The following PLCB1 variants were observed in gnomAD, a reference collection of about 807,000 sequenced individuals.
PLCB1 encodes phospholipase C beta 1.
In PLCB1, 46 loss-of-function variants were observed where a neutral mutation model predicts 161.8. The ratio of observed to expected loss-of-function variants is 0.28; its 90% CI spans 0.22 to 0.36. PLCB1 has a LOEUF of 0.36. Ranked by LOEUF, PLCB1 falls within the 10% of genes least tolerant of loss-of-function variation. The pLI is 1.00. For synonymous variants in PLCB1, 517 were observed against 503.7 expected (o/e 1.03, Z -0.35); for missense variants, 1,016 against 1,472.5 (o/e 0.69, Z 5.07).
At chr20:8,384,880 A>G (rs1277157047) in intron 3 of PLCB1, among the ~76,000 whole-genome samples, 20 of 152,120 alleles carry the variant, frequency 1.3e-4, no homozygotes, top group Admixed American at 1.3e-3. Flanking sequence ...AGGCTGTAGG[A>G]CAGCAAAGAT....
intron 2 of PLCB1, among the ~76,000 whole-genome samples, chr20:8,269,476 G>A (rs1286508736): frequency 6.6e-6 from 1 of 152,140 alleles, no homozygotes; most frequent in African/African-American, 2.4e-5. Context: ...GGAGTTTCAA[G>A]GGCTACAGAT....
rs542100373 is a variant in PLCB1 at position 8,884,558 on chromosome 20, C to G, written c.*2709C>G. 6.6e-6 allele frequency: 1 copy of G among 152,474 alleles called. No homozygotes were observed. Among genetic ancestry groups the G allele is most frequent in the Non-Finnish European group, 1.5e-5 (1 of 68,022 alleles). The allele number at this position is 152,474 out of a possible 1,614,324, so 9.4% of individuals were successfully genotyped here. A position where few individuals can be genotyped will look rare whatever the true frequency, so the allele number is the denominator to read the frequency against. ...GAGTATCACCATACATTAATTAATACTCCTGTAGTAGATAAGCTGTCATTA... is the reference window on the plus strand; with the variant it reads ...GAGTATCACCATACATTAATTAATAGTCCTGTAGTAGATAAGCTGTCATTA... On this transcript the variant is annotated 3_prime_UTR_variant, in exon 32 of 32. Transcript: ENST00000338037.
chr20:8,849,177 G>T (rs2146299459), intron 31 of PLCB1, among the ~76,000 whole-genome samples: 1 of 152,252 alleles, frequency 6.6e-6, no homozygotes, highest in Middle Eastern at 3.4e-3. Flanking sequence ...ACTCAAGTGG[G>T]CACTGCTTCC....
At chr20:8,504,218 C>T (rs1016322709) in intron 3 of PLCB1, among the ~76,000 whole-genome samples, 1 of 152,076 alleles carries the variant, frequency 6.6e-6, no homozygotes, top group Non-Finnish European at 1.5e-5. Flanking sequence ...GAGCCTGCAC[C>T]GTTTCTAATG....
chr20:8,186,457 A>G (rs1164924433), intron 2 of PLCB1, among the ~76,000 whole-genome samples: 1 of 152,204 alleles, frequency 6.6e-6, no homozygotes, highest in Non-Finnish European at 1.5e-5. Context: ...CTAATGGAGA[A>G]GTAGGCTGTT....
chr20:8,279,838 A>G (rs1359872192), intron 2 of PLCB1, among the ~76,000 whole-genome samples: 1 of 152,190 alleles, frequency 6.6e-6, no homozygotes, highest in Non-Finnish European at 1.5e-5. Flanking sequence ...TCGGGATGCA[A>G]CTATCAGGAT....
Position 8,403,157 on chromosome 20 carries a change from T to C in PLCB1, c.246+31707T>C, listed in dbSNP as rs574923223. Among the ~76,000 whole-genome samples, 7 of 152,190 alleles carry C rather than the reference T, an allele frequency of 4.6e-5. No individual in the cohort carries two copies. In the South Asian group the frequency reaches 1.5e-3, roughly 32 times the overall value. On this transcript the variant is annotated intron_variant, in intron 3 of 31. Transcript: ENST00000338037. Reference sequence around the variant, plus strand: ...AATCACTGTGTGAAGTCCCAAATGATATAAAAAAAGAAATAAAACATAGTT... The same window carrying C: ...AATCACTGTGTGAAGTCCCAAATGACATAAAAAAAGAAATAAAACATAGTT...
At chr20:8,520,087 G>A (rs544539028) in intron 3 of PLCB1, among the ~76,000 whole-genome samples, 102 of 152,242 alleles carry the variant, frequency 6.7e-4, no homozygotes, top group African/African-American at 2.3e-3. Context: ...TCACACTTAG[G>A]TGACAGAATG....
At chr20:8,629,393 A>G (rs1159180548) in intron 4 of PLCB1, among the ~76,000 whole-genome samples, 1 of 152,246 alleles carries the variant, frequency 6.6e-6, no homozygotes, top group Non-Finnish European at 1.5e-5. Flanking sequence ...GAAAACAGGT[A>G]TAATGTAGCA....
intron 3 of PLCB1, among the ~76,000 whole-genome samples, chr20:8,483,654 G>A (rs1982600141): frequency 6.6e-6 from 1 of 152,064 alleles, no homozygotes; most frequent in East Asian, 1.9e-4. Context: ...CATTTGATTT[G>A]AGTTAAGGTT....
chr20:8,302,340 G>A (rs1262806000), intron 2 of PLCB1, among the ~76,000 whole-genome samples: 3 of 152,218 alleles, frequency 2.0e-5, no homozygotes, highest in South Asian at 4.1e-4. Context: ...TTGCTAATTC[G>A]GGGATCTACT....
At chr20:8,619,665 A>C (rs891878181) in intron 3 of PLCB1, among the ~76,000 whole-genome samples, 1 of 152,170 alleles carries the variant, frequency 6.6e-6, no homozygotes, top group Non-Finnish European at 1.5e-5. Flanking sequence ...TGCCTAATTT[A>C]CAAAGCTAGT....
At chr20:8,432,500 T>C (rs1454887213) in intron 3 of PLCB1, among the ~76,000 whole-genome samples, 3 of 152,212 alleles carry the variant, frequency 2.0e-5, no homozygotes, top group African/African-American at 4.8e-5. Flanking sequence ...TTCTAGACCC[T>C]ATCTCCAACT....
intron 3 of PLCB1, among the ~76,000 whole-genome samples, chr20:8,517,968 G>T (rs994508820): frequency 6.6e-6 from 1 of 152,100 alleles, no homozygotes; most frequent in Non-Finnish European, 1.5e-5. Context: ...TGGATCATGA[G>T]ATCAAGAGAT....
intron 3 of PLCB1, among the ~76,000 whole-genome samples, chr20:8,521,891 C>A (rs773647813): frequency 1.3e-5 from 2 of 152,156 alleles, no homozygotes; most frequent in African/African-American, 4.8e-5. Flanking sequence ...ACACAGAAAC[C>A]AAACAAAGTT....
At chr20:8,534,668 C>T (rs1320036254) in intron 3 of PLCB1, among the ~76,000 whole-genome samples, 1 of 152,162 alleles carries the variant, frequency 6.6e-6, no homozygotes, top group African/African-American at 2.4e-5. Flanking sequence ...CAGCAGGCAT[C>T]AGACAGAGCA....
At chr20:8,863,358 A>G (rs966559605) in intron 31 of PLCB1, among the ~76,000 whole-genome samples, 1 of 152,154 alleles carries the variant, frequency 6.6e-6, no homozygotes, top group African/African-American at 2.4e-5. Context: ...GGCAAGACTT[A>G]GCCATTAAAT....
At chr20:8,807,410 G>A (rs966393545) in intron 31 of PLCB1, among the ~76,000 whole-genome samples, 1 of 152,038 alleles carries the variant, frequency 6.6e-6, no homozygotes, top group Admixed American at 6.5e-5. Context: ...TCTTAATGAT[G>A]AATATTGATG....
intron 3 of PLCB1, among the ~76,000 whole-genome samples, chr20:8,611,914 C>A (rs1426470827): frequency 1.3e-5 from 2 of 152,006 alleles, no homozygotes; most frequent in Admixed American, 1.3e-4. Flanking sequence ...CCACTGTACT[C>A]CAGCTTGGAT....
Sources: allele counts gnomAD v4.1 joint callset (sites outside exome capture counted in the v4.1 genomes callset), GRCh38; gene constraint gnomAD v4.1.1; transcripts MANE v1.5; gene names NCBI Gene and HGNC (gene_info 2026-07-23, HGNC 2026-07-21).